ARHGAP19: variants seen among roughly 807,000 people sequenced by gnomAD.
ARHGAP19 encodes the protein rho GTPase-activating protein 19.
ARHGAP19 carries 48 observed loss-of-function variants against 60.9 expected under a neutral mutation model. The observed-to-expected ratio is 0.79, with a 90% CI of 0.62 to 1.00. The LOEUF (loss-of-function observed/expected upper bound fraction) is 1.00, where lower values mean the gene tolerates loss of function less well. ARHGAP19 is among the 50% of genes least tolerant of loss of function. The pLI, the probability that ARHGAP19 is intolerant of heterozygous loss-of-function variation, is 0.00. For synonymous variants in ARHGAP19, 209 were observed against 215.5 expected, an observed-to-expected ratio of 0.97 and a Z score of 0.27; for missense variants, 562 against 597.2, an observed-to-expected ratio of 0.94 and a Z score of 0.61.
intron 1 of ARHGAP19, among the ~76,000 whole-genome samples, chr10:97,281,063 T>C (rs1220541163): frequency 6.6e-6 from 1 of 152,128 alleles, no homozygotes; most frequent in African/African-American, 2.4e-5. Flanking sequence ...TGTTCATATC[T>C]ACACAAGTTC....
intron 6 of ARHGAP19, among the ~76,000 whole-genome samples, chr10:97,247,571 T>G (rs1842580466): frequency 6.6e-6 from 1 of 152,094 alleles, no homozygotes; most frequent in Non-Finnish European, 1.5e-5. Flanking sequence ...ACAACCCAAA[T>G]GTTCTTTAAT....
At chr10:97,281,444 T>G (rs1321893294) in intron 1 of ARHGAP19, among the ~76,000 whole-genome samples, 1 of 152,118 alleles carries the variant, frequency 6.6e-6, no homozygotes, top group Non-Finnish European at 1.5e-5. Flanking sequence ...CAGCCAGAAA[T>G]ATTCAATATT....
intron 6 of ARHGAP19, 103 bp downstream of exon 6, chr10:97,256,215 C>A: frequency 1.1e-6 from 1 of 935,534 alleles, no homozygotes; most frequent in South Asian, 1.5e-5. Flanking sequence ...CAATCCCATT[C>A]AGGACCTTTT....
chr10:97,248,816 TTTTG>T (rs112710177), intron 6 of ARHGAP19, among the ~76,000 whole-genome samples: 3 of 152,086 alleles, frequency 2.0e-5, no homozygotes, highest in African/African-American at 7.2e-5. Context: ...TAAATATCAA[TTTTG>T]TTTGTTTGTT....
chr10:97,268,125 T>C (rs1351117459), intron 1 of ARHGAP19, among the ~76,000 whole-genome samples: 3 of 152,168 alleles, frequency 2.0e-5, no homozygotes, highest in Non-Finnish European at 4.4e-5. Flanking sequence ...TCCACCTAAA[T>C]CATCTCTCTC....
chr10:97,251,269 T>TGGGAAGGGAAA (rs1842648756), intron 6 of ARHGAP19, among the ~76,000 whole-genome samples: 1 of 4,502 alleles, frequency 2.2e-4, no homozygotes, highest in East Asian at 8.1e-3. Flanking sequence ...GGGAAGGGAA[T>TGGGAAGGGAAA]GGGAAGGGAA....
intron 6 of ARHGAP19, among the ~76,000 whole-genome samples, 165 bp downstream of exon 6, chr10:97,256,153 C>A (rs1842749722): frequency 1.3e-5 from 2 of 152,148 alleles, no homozygotes; most frequent in Non-Finnish European, 2.9e-5. Flanking sequence ...CTACTCCTTT[C>A]CACCATAGTG....
chr10:97,240,280 A>G (rs1442212562), intron 8 of ARHGAP19, among the ~76,000 whole-genome samples: 1 of 152,218 alleles, frequency 6.6e-6, no homozygotes, highest in African/African-American at 2.4e-5. Flanking sequence ...AAATTTATAA[A>G]CTAAAAACCT....
In ARHGAP19 at chr10:97,256,386, G is replaced by C. The variant is rs374969932; in HGVS notation, c.859C>G (p.Gln287Glu). The C allele has an allele frequency of 4.4e-5, 71 of 1,613,788 alleles. No individual in the cohort carries two copies. Among genetic ancestry groups the C allele is most frequent in the Non-Finnish European group, 5.9e-5 (70 of 1,179,814 alleles). ...WPKNVTANDLQENITKLNSGM... is the reference protein window; with the variant it reads ...WPKNVTANDLEENITKLNSGM... Reference sequence around the variant, plus strand: ...CTGTTTAACTTTGTGATATTCTCCTGAAGGTCATTTGCAGTGACCTATTCA... The same window carrying C: ...CTGTTTAACTTTGTGATATTCTCCTCAAGGTCATTTGCAGTGACCTATTCA... The change falls in exon 6 of 12, where the codon CAG (glutamine) becomes GAG (glutamate). Residue 287 changes from glutamine to glutamate, a missense_variant. By Grantham distance (29) the Gln-to-Glu change is conservative. Transcript: ENST00000358531.
chr10:97,229,947 A>G, intron 9 of ARHGAP19, 73 bp from the exon 10 acceptor site: 1 of 1,078,334 alleles, frequency 9.3e-7, no homozygotes, highest in Non-Finnish European at 1.4e-6. Context: ...CTAGCCTTCA[A>G]AACTGTAATG....
chr10:97,265,192 T>C lies in ARHGAP19; in HGVS notation c.323-286A>G, dbSNP rs182232072. Among the ~76,000 whole-genome samples, 192 of 152,172 alleles carry C rather than the reference T, an allele frequency of 1.3e-3. 1 individual carries two copies. Among genetic ancestry groups the C allele is most frequent in the Non-Finnish European group, 6.9e-4 (47 of 68,004 alleles). On this transcript the variant is annotated intron_variant, in intron 2 of 11. Transcript: ENST00000358531. ...GTAAGTAAGGAGATATCTAGCGTGT[T>C]AGTATTTAATTTAACAAACAAACAG...
At chr10:97,282,971 T>C (rs1283984601) in intron 1 of ARHGAP19, among the ~76,000 whole-genome samples, 1 of 150,674 alleles carries the variant, frequency 6.6e-6, no homozygotes, top group Non-Finnish European at 1.5e-5. Flanking sequence ...GCCTCCCAAG[T>C]AGCTGGGATT....
rs55665818 is a variant in ARHGAP19, at chr10:97,283,831, T to TAAAA, written c.56+8737_56+8740dup. Among the ~76,000 whole-genome samples the TAAAA allele has an allele frequency of 5.9e-4, 75 of 126,822 alleles. 2 individuals are homozygous for TAAAA. The highest frequency in any genetic ancestry group is 1.8e-3 in the African/African-American group (62 of 33,694). The allele number at this position is 126,822 out of a possible 152,430, so 83.2% of individuals were successfully genotyped here. A position where few individuals can be genotyped will look rare whatever the true frequency, so the allele number is the denominator to read the frequency against. Reference sequence around the variant, plus strand: ...CAACATAGTGAAACTTCATCTCTATTAAAAAAAAAAAAAAAAAAACTGTCT... The same window carrying TAAAA: ...CAACATAGTGAAACTTCATCTCTATTAAAAAAAAAAAAAAAAAAAAAAACTGTCT... On this transcript the variant is annotated intron_variant, in intron 1 of 11. Coordinates refer to ENST00000358531, the MANE Select transcript of ARHGAP19 (RefSeq NM_032900.6).
At chr10:97,267,316 C>A (rs909751429) in intron 1 of ARHGAP19, among the ~76,000 whole-genome samples, 2 of 152,236 alleles carry the variant, frequency 1.3e-5, no homozygotes, top group Non-Finnish European at 2.9e-5. Flanking sequence ...GAGGTGGGTT[C>A]TCATGGTCTT....
intron 1 of ARHGAP19, among the ~76,000 whole-genome samples, chr10:97,288,251 A>C (rs985102640): frequency 1.3e-5 from 2 of 152,112 alleles, no homozygotes; most frequent in African/African-American, 4.8e-5. Context: ...TCTTTATGGA[A>C]TACAAGAGGC....
At chr10:97,288,507 G>T (rs927897407) in intron 1 of ARHGAP19, among the ~76,000 whole-genome samples, 1 of 151,622 alleles carries the variant, frequency 6.6e-6, no homozygotes, top group South Asian at 2.1e-4. Flanking sequence ...TTGAACTCGG[G>T]GGGGCAGAGG....
chr10:97,250,390 C>CT (rs34345215), intron 6 of ARHGAP19, among the ~76,000 whole-genome samples: 36 of 139,936 alleles, frequency 2.6e-4, no homozygotes, highest in Middle Eastern at 3.6e-3. Flanking sequence ...ATTTCTTTTT[C>CT]TTTTTTTTTT....
In ARHGAP19 at chr10:97,259,602, T is replaced by C; in HGVS notation, c.640A>G (p.Asn214Asp). The C allele has an allele frequency of 6.2e-7, 1 of 1,614,160 alleles. No individual in the cohort carries two copies. Among genetic ancestry groups the C allele is most frequent in the Non-Finnish European group, 8.5e-7 (1 of 1,180,018 alleles). ...TCCTTGTCTGGTATATTGGTCTTGTTTCCTTTATCATCAAACTGCATCAAA... is the reference window on the plus strand; with the variant it reads ...TCCTTGTCTGGTATATTGGTCTTGTCTCCTTTATCATCAAACTGCATCAAA... ...ADLMQFDDKG[N>D]KTNIPDKDRQ... Residue 214 changes from asparagine to aspartate, a missense_variant, in exon 5 of 12, where the codon AAC becomes GAC. Transcript: ENST00000358531.
chr10:97,263,021 G>A (rs1013489402), intron 4 of ARHGAP19, among the ~76,000 whole-genome samples: 8 of 152,268 alleles, frequency 5.3e-5, no homozygotes, highest in African/African-American at 2.4e-5. Flanking sequence ...GCTGAGGTGG[G>A]AGGCTCACCT....
Sources: gnomAD v4.1 joint callset for allele counts (sites outside exome capture counted in the v4.1 genomes callset) on GRCh38, gnomAD v4.1.1 for gene constraint, MANE v1.5 for transcripts, NCBI Gene and HGNC (gene_info 2026-07-23, HGNC 2026-07-21) for gene names.